Variants in GNB5 observed in about 807,000 individuals in gnomAD.
The protein encoded by GNB5 is guanine nucleotide-binding protein subunit beta-5.
A neutral mutation model predicts 55.3 loss-of-function variants in GNB5; 37 were observed. The ratio of observed to expected loss-of-function variants is 0.67; its 90% CI spans 0.51 to 0.88. The LOEUF is 0.88. GNB5 is among the 40% of genes least tolerant of loss of function. The pLI is 0.00. For synonymous variants in GNB5, 219 were observed against 198.5 expected, an observed-to-expected ratio of 1.10 and a Z score of -0.87; for missense variants, 476 against 515.3, an observed-to-expected ratio of 0.92 and a Z score of 0.74.
chr15:52,184,828 A>G lies in GNB5; in HGVS notation c.-18-134T>C, dbSNP rs541871511. On this transcript the variant is annotated intron_variant, in intron 1 of 12. Coordinates refer to ENST00000261837, the MANE Select transcript of GNB5 (RefSeq NM_016194.4). ...GGGATAGAGTATATGCAGTTAATTT[A>G]TAACCTTTCAACTATTACAACATGC... The G allele has an allele frequency of 1.8e-5, 11 of 621,476 alleles. No homozygotes were observed. In the South Asian group the frequency reaches 2.2e-4, roughly 13 times the overall value. The allele number at this position is 621,476 out of a possible 1,614,324, so 38.5% of individuals were successfully genotyped here. A position where few individuals can be genotyped will look rare whatever the true frequency, so the allele number is the denominator to read the frequency against.
At position 52,165,590 on chromosome 15, in the gene GNB5, G is replaced by A. The variant is rs561990170; in HGVS notation, c.239-11514C>T. On this transcript the variant is annotated intron_variant, in intron 3 of 12. Transcript: ENST00000261837. ...ATTTCCAACCCAGAATTTTATATGC[G>A]GCCAAGCTAAGCTTCATAAGCAAAG... Among the ~76,000 whole-genome samples the A allele has an allele frequency of 2.6e-5, 4 of 152,226 alleles. No individual in the cohort carries two copies. In the South Asian group the frequency reaches 6.2e-4, roughly 24 times the overall value.
chr15:52,153,382 C>T (rs1445650721), intron 4 of GNB5, among the ~76,000 whole-genome samples: 3 of 152,112 alleles, frequency 2.0e-5, no homozygotes, highest in African/African-American at 7.2e-5. Context: ...CACCTGAGCC[C>T]GAACCACCCA....
chr15:52,169,965 C>G (rs1451358576), intron 3 of GNB5, among the ~76,000 whole-genome samples: 1 of 152,148 alleles, frequency 6.6e-6, no homozygotes, highest in East Asian at 1.9e-4. Flanking sequence ...AAAAAAAGCT[C>G]AATATCACTG....
intron 3 of GNB5, among the ~76,000 whole-genome samples, chr15:52,173,150 T>C (rs2034585832): frequency 6.6e-6 from 1 of 152,190 alleles, no homozygotes; most frequent in African/African-American, 2.4e-5. Flanking sequence ...CAACCAATCA[T>C]CAATCAGTCA....
At chr15:52,156,594 G>C (rs1323327517) in intron 3 of GNB5, among the ~76,000 whole-genome samples, 1 of 152,184 alleles carries the variant, frequency 6.6e-6, no homozygotes, top group Non-Finnish European at 1.5e-5. Context: ...GGCTGGATGT[G>C]GTGGCACATA....
intron 3 of GNB5, among the ~76,000 whole-genome samples, chr15:52,166,290 G>T (rs765543134): frequency 6.6e-6 from 1 of 152,162 alleles, no homozygotes; most frequent in Non-Finnish European, 1.5e-5. Flanking sequence ...CATTGAGAGA[G>T]AAAATTAACA....
rs1388714204 is a variant in GNB5, at chr15:52,157,029, G to A, written c.239-2953C>T. The stretch of plus-strand genomic sequence containing the variant: ...CGGCTCACTGCAAGCTCTGCCTCCC[G>A]GGTTCACGCCATTCTCCTGCCTCAG... On this transcript the variant is annotated intron_variant, in intron 3 of 12. Coordinates refer to ENST00000261837, the MANE Select transcript of GNB5 (RefSeq NM_016194.4). 4.7e-5 allele frequency among the ~76,000 whole-genome samples: 7 copies of A among 149,482 alleles called. No individual in the cohort carries two copies. In the South Asian group the frequency reaches 1.1e-3, roughly 23 times the overall value.
At chr15:52,155,953 G>A (rs188795249) in intron 3 of GNB5, among the ~76,000 whole-genome samples, 2 of 152,254 alleles carry the variant, frequency 1.3e-5, no homozygotes, top group African/African-American at 2.4e-5. Flanking sequence ...AAACCTCAAC[G>A]GCCTTATTTT....
At chr15:52,152,529 T>C (rs1313611264) in intron 4 of GNB5, among the ~76,000 whole-genome samples, 1 of 151,994 alleles carries the variant, frequency 6.6e-6, no homozygotes, top group East Asian at 1.9e-4. Context: ...TTCACCATGT[T>C]GGCCAGGTTA....
chr15:52,128,853 G>A (rs2033499067), intron 9 of GNB5: 1 of 418,118 alleles, frequency 2.4e-6, no homozygotes, highest in Non-Finnish European at 4.9e-6. Context: ...GAGAAATATG[G>A]GCCCTAAATT....
intron 3 of GNB5, among the ~76,000 whole-genome samples, chr15:52,167,216 A>G (rs1249572123): frequency 6.6e-6 from 1 of 152,238 alleles, no homozygotes; most frequent in African/African-American, 2.4e-5. Context: ...GTCCAGGACC[A>G]GACAGATTTA....
chr15:52,140,829 G>C (rs1234736474), intron 7 of GNB5, among the ~76,000 whole-genome samples: 1 of 152,172 alleles, frequency 6.6e-6, no homozygotes, highest in Non-Finnish European at 1.5e-5. Context: ...TTAGCACGCA[G>C]ACCAGGGCAC....
At chr15:52,130,769 G>A (rs77677032) in intron 9 of GNB5, among the ~76,000 whole-genome samples, 4,028 of 152,322 alleles carry the variant, frequency 0.026, 69 homozygotes, top group Middle Eastern at 0.051. Context: ...ATGGTCAAAG[G>A]AGGTTAGAAG....
chr15:52,180,087 G>A, intron 2 of GNB5: 1 of 448,764 alleles, frequency 2.2e-6, no homozygotes, highest in Non-Finnish European at 3.4e-6. Flanking sequence ...TGCCTGGTGC[G>A]ATGTCCGCGT....
At chr15:52,140,434 G>T (rs533805820) in intron 7 of GNB5, among the ~76,000 whole-genome samples, 10 of 152,274 alleles carry the variant, frequency 6.6e-5, no homozygotes, top group Admixed American at 6.5e-4. Context: ...ACTGGCAGCA[G>T]CAAGTCTGTG....
At chr15:52,149,062 T>C (rs2034037102) in intron 5 of GNB5, among the ~76,000 whole-genome samples, 1 of 152,208 alleles carries the variant, frequency 6.6e-6, no homozygotes, top group African/African-American at 2.4e-5. Context: ...ATTGCTGTCA[T>C]TTTTATTCCT....
chr15:52,134,451 C>A (rs930461483), intron 8 of GNB5, among the ~76,000 whole-genome samples: 3 of 152,106 alleles, frequency 2.0e-5, no homozygotes, highest in Non-Finnish European at 4.4e-5. Flanking sequence ...GGCAAAGAAA[C>A]CAGAAAGGCC....
At chr15:52,126,467 G>T (rs960105573) in intron 10 of GNB5, among the ~76,000 whole-genome samples, 2 of 152,162 alleles carry the variant, frequency 1.3e-5, no homozygotes, top group African/African-American at 4.8e-5. Context: ...TGTATTTTAT[G>T]TGTGTATCTG....
In GNB5 at chr15:52,122,746, T is replaced by C; in HGVS notation, c.*11A>G. On this transcript the variant is annotated 3_prime_UTR_variant, in exon 13 of 13. Coordinates refer to ENST00000261837, the MANE Select transcript of GNB5 (RefSeq NM_016194.4). ...TTCTCAGGTATACATGAGTGCACTG[T>C]CAGAAGATGATTAGGCCCAGACCTG... 1 of 1,593,260 alleles carries C rather than the reference T, an allele frequency of 6.3e-7. No individual in the cohort carries two copies. The highest frequency in any genetic ancestry group is 8.6e-7 in the Non-Finnish European group (1 of 1,160,904).
Sources: gnomAD v4.1 joint callset for allele counts (sites outside exome capture counted in the v4.1 genomes callset) on GRCh38, gnomAD v4.1.1 for gene constraint, MANE v1.5 for transcripts, NCBI Gene and HGNC (gene_info 2026-07-23, HGNC 2026-07-21) for gene names.